The following MICAL3 variants were observed in gnomAD, a reference collection of about 807,000 sequenced individuals.
MICAL3 encodes the protein [F-actin]-monooxygenase MICAL3.
A neutral mutation model predicts 207.4 loss-of-function variants in MICAL3; 62 were observed. The ratio of observed to expected loss-of-function variants is 0.30; its 90% confidence interval spans 0.24 to 0.37. MICAL3 has a LOEUF of 0.37. Ranked by LOEUF, MICAL3 falls within the 10% of genes least tolerant of loss-of-function variation. The probability of loss-of-function intolerance (pLI) is 1.00; values close to 1 mark genes in which losing one functional copy is unlikely to be tolerated. For synonymous variants in MICAL3, 1,077 were observed against 1,069.3 expected (o/e 1.01, Z -0.14); for missense variants, 2,368 against 2,635.6 (o/e 0.90, Z 2.22).
intron 19 of MICAL3, among the ~76,000 whole-genome samples, chr22:17,855,383 A>C (rs1925782253): frequency 1.3e-5 from 2 of 152,208 alleles, no homozygotes; most frequent in African/African-American, 4.8e-5. Context: ...TGTCAGCTCC[A>C]CCTTCACTCA....
chr22:17,827,535 T>C, intron 22 of MICAL3, 109 bp downstream of exon 22: 1 of 1,232,600 alleles, frequency 8.1e-7, no homozygotes, highest in Non-Finnish European at 1.1e-6. Flanking sequence ...GGCTCCCGTG[T>C]GTGACCTCAT....
At chr22:17,887,007 A>T (rs1929965974) in intron 15 of MICAL3, among the ~76,000 whole-genome samples, 163 bp downstream of exon 15, 2 of 149,668 alleles carry the variant, frequency 1.3e-5, no homozygotes, top group Admixed American at 1.3e-4. Context: ...AAAAAAAAAA[A>T]AAAAAAAAAG....
intron 7 of MICAL3, among the ~76,000 whole-genome samples, chr22:17,897,561 C>T (rs1930960755): frequency 6.6e-6 from 1 of 151,846 alleles, no homozygotes; most frequent in South Asian, 2.1e-4. Context: ...CTTATCCAAT[C>T]TGCCTCAGGG....
At chr22:17,959,317 C>T (rs1037352344) in intron 1 of MICAL3, among the ~76,000 whole-genome samples, 41 of 149,792 alleles carry the variant, frequency 2.7e-4, no homozygotes, top group Non-Finnish European at 4.3e-4. Flanking sequence ...GCCCAGCCAT[C>T]GGCCTGGGTT....
chr22:17,890,501 T>C (rs1289239742), intron 12 of MICAL3, among the ~76,000 whole-genome samples: 1 of 152,128 alleles, frequency 6.6e-6, no homozygotes, highest in African/African-American at 2.4e-5. Context: ...ATAAGCCCTA[T>C]TTTTACTTAC....
chr22:17,908,775 G>C (rs1931929943), intron 1 of MICAL3, among the ~76,000 whole-genome samples: 2 of 152,198 alleles, frequency 1.3e-5, no homozygotes, highest in Non-Finnish European at 2.9e-5. Context: ...TTGGGGTTGG[G>C]TGCAGACAGA....
intron 12 of MICAL3, among the ~76,000 whole-genome samples, chr22:17,890,074 T>C (rs1311418867): frequency 1.3e-5 from 2 of 152,204 alleles, no homozygotes; most frequent in African/African-American, 4.8e-5. Flanking sequence ...AAGTTTCCTA[T>C]TTAGATTAAT....
intron 19 of MICAL3, among the ~76,000 whole-genome samples, chr22:17,843,730 C>G (rs562868518): frequency 1.3e-5 from 2 of 152,232 alleles, no homozygotes; most frequent in Non-Finnish European, 2.9e-5. Flanking sequence ...AGTAATATTT[C>G]CCCACCACTG....
intron 1 of MICAL3, among the ~76,000 whole-genome samples, chr22:17,971,904 C>T (rs1395891389): frequency 6.6e-6 from 1 of 152,160 alleles, no homozygotes. Context: ...CGACAATGCA[C>T]ATGGCCTTCC....
chr22:17,988,058 G>A (rs867138828), intron 1 of MICAL3, among the ~76,000 whole-genome samples: 13 of 152,234 alleles, frequency 8.5e-5, no homozygotes, highest in Admixed American at 3.3e-4. Context: ...CAGAGAAACC[G>A]GCACAGCACT....
chr22:17,974,112 C>T (rs935992594), intron 1 of MICAL3, among the ~76,000 whole-genome samples: 1 of 152,148 alleles, frequency 6.6e-6, no homozygotes, highest in Non-Finnish European at 1.5e-5. Context: ...AATGACTTTC[C>T]TGTTACTCTG....
At chr22:17,808,070 T>C (rs1233073003) in intron 29 of MICAL3, among the ~76,000 whole-genome samples, 2 of 152,262 alleles carry the variant, frequency 1.3e-5, no homozygotes, top group African/African-American at 2.4e-5. Context: ...CCAATAGGAC[T>C]TCCTGGGCCG....
intron 1 of MICAL3, among the ~76,000 whole-genome samples, chr22:17,970,972 AG>A (rs1215985403): frequency 6.6e-6 from 1 of 152,136 alleles, no homozygotes; most frequent in African/African-American, 2.4e-5. Context: ...GCTTGAGCTC[AG>A]GAGTTCGAGA....
At chr22:17,863,767 A>C in intron 19 of MICAL3, 1 of 985,462 alleles carries the variant, frequency 1.0e-6, no homozygotes. Flanking sequence ...CTGTTAGGGA[A>C]GGGAAAGGAT....
chr22:17,806,734 A>T (rs1390795943), intron 29 of MICAL3, among the ~76,000 whole-genome samples: 5 of 150,690 alleles, frequency 3.3e-5, no homozygotes, highest in African/African-American at 1.2e-4. Flanking sequence ...ACTTGAACTT[A>T]TCATCTTGTG....
At chr22:17,901,262 T>A (rs1931294532) in intron 5 of MICAL3, among the ~76,000 whole-genome samples, 1 of 152,138 alleles carries the variant, frequency 6.6e-6, no homozygotes, top group Non-Finnish European at 1.5e-5. Flanking sequence ...GGATTCCTCT[T>A]TAAAAAAGGG....
At chr22:17,925,525 A>G (rs538197854) in intron 1 of MICAL3, among the ~76,000 whole-genome samples, 2 of 152,290 alleles carry the variant, frequency 1.3e-5, no homozygotes, top group East Asian at 3.9e-4. Flanking sequence ...AAAGAAGTTG[A>G]TATCTACTTG....
Position 17,889,019 on chromosome 22 carries a change from C to T in MICAL3, c.1891+15G>A. The T allele has an allele frequency of 1.3e-6, 2 of 1,569,708 alleles. No homozygotes were observed. The highest frequency in any genetic ancestry group is 1.7e-6 in the Non-Finnish European group (2 of 1,149,574). The stretch of plus-strand genomic sequence containing the variant: ...AGCAGCAGGGGGCCGCAAAGCAGCT[C>T]CTTCCAGGCCTTACCGCTAGAGGGG... On this transcript the variant is annotated intron_variant, in intron 13 of 31. Transcript: ENST00000441493.
At chr22:17,869,960 G>C (rs756592101) in intron 17 of MICAL3, among the ~76,000 whole-genome samples, 26 of 152,162 alleles carry the variant, frequency 1.7e-4, no homozygotes, top group Admixed American at 3.3e-4. Context: ...AGCCTCTTCA[G>C]TTAGACTTCT....
Sources: gnomAD v4.1 joint callset for allele counts (sites outside exome capture counted in the v4.1 genomes callset) on GRCh38, gnomAD v4.1.1 for gene constraint, MANE v1.5 for transcripts, NCBI Gene and HGNC (gene_info 2026-07-23, HGNC 2026-07-21) for gene names.